KCNH7: variants seen among roughly 807,000 people sequenced by gnomAD.
KCNH7 encodes the protein potassium voltage-gated channel subfamily H member 7, also known as voltage-gated inwardly rectifying potassium channel KCNH7.
Under a neutral mutation model 120.8 loss-of-function variants are expected in KCNH7, and 49 were observed. That is an observed-to-expected ratio of 0.41 (90% confidence interval 0.32 to 0.51). The LOEUF is 0.51. KCNH7 is among the 20% of genes least tolerant of loss of function. The pLI is 0.38. For synonymous variants in KCNH7, 547 were observed against 516.1 expected, an observed-to-expected ratio of 1.06 and a Z score of -0.81; for missense variants, 1,097 against 1,446.6, an observed-to-expected ratio of 0.76 and a Z score of 3.92.
intron 2 of KCNH7, among the ~76,000 whole-genome samples, chr2:162,776,365 G>A (rs1389592244): frequency 1.3e-5 from 2 of 152,176 alleles, no homozygotes; most frequent in Non-Finnish European, 2.9e-5. Context: ...TCTGTTAAGT[G>A]TAGTTAAAAT....
chr2:162,466,405 C>T (rs1333179010), intron 6 of KCNH7, among the ~76,000 whole-genome samples: 2 of 152,174 alleles, frequency 1.3e-5, no homozygotes, highest in Admixed American at 6.5e-5. Flanking sequence ...TCCTTCTACA[C>T]ATGGCGGCAG....
chr2:162,663,111 T>A (rs1400949878), intron 2 of KCNH7, among the ~76,000 whole-genome samples: 1 of 152,212 alleles, frequency 6.6e-6, no homozygotes, highest in African/African-American at 2.4e-5. Flanking sequence ...TAAACCTAGT[T>A]GTTATTAAGG....
intron 2 of KCNH7, among the ~76,000 whole-genome samples, chr2:162,780,928 T>G (rs2105493740): frequency 6.6e-6 from 1 of 152,236 alleles, no homozygotes; most frequent in African/African-American, 2.4e-5. Context: ...GATATAACGT[T>G]AAATTGCCAT....
intron 2 of KCNH7, among the ~76,000 whole-genome samples, chr2:162,586,221 T>A (rs1201600363): frequency 6.6e-6 from 1 of 152,078 alleles, no homozygotes; most frequent in Non-Finnish European, 1.5e-5. Flanking sequence ...TCTGGGCTGA[T>A]CTTGCATCTT....
At chr2:162,789,423 T>C (rs2105514102) in intron 2 of KCNH7, among the ~76,000 whole-genome samples, 1 of 152,146 alleles carries the variant, frequency 6.6e-6, no homozygotes, top group East Asian at 1.9e-4. Flanking sequence ...AAGACTTTAA[T>C]AACCCACTTT....
At chr2:162,627,343 A>G (rs1683596851) in intron 2 of KCNH7, among the ~76,000 whole-genome samples, 1 of 152,320 alleles carries the variant, frequency 6.6e-6, no homozygotes, top group South Asian at 2.1e-4. Context: ...ACCCAGGTGA[A>G]CATTAACTTA....
At chr2:162,493,081 A>G (rs1690376716) in intron 6 of KCNH7, among the ~76,000 whole-genome samples, 1 of 152,032 alleles carries the variant, frequency 6.6e-6, no homozygotes, top group Admixed American at 6.6e-5. Flanking sequence ...CCAGGAATTA[A>G]AAGCAAATAG....
chr2:162,495,311 C>A (rs967842687), intron 6 of KCNH7, among the ~76,000 whole-genome samples: 6 of 152,110 alleles, frequency 3.9e-5, no homozygotes, highest in Non-Finnish European at 8.8e-5. Context: ...GGTTCCTAAC[C>A]TGTGGTGAGT....
chr2:162,555,748 G>A (rs1692832283), intron 2 of KCNH7, among the ~76,000 whole-genome samples: 1 of 151,932 alleles, frequency 6.6e-6, no homozygotes, highest in South Asian at 2.1e-4. Context: ...TTTGTTATTT[G>A]TATGTAGATT....
intron 7 of KCNH7, among the ~76,000 whole-genome samples, chr2:162,437,011 A>T (rs923845359): frequency 6.6e-6 from 1 of 151,988 alleles, no homozygotes; most frequent in African/African-American, 2.4e-5. Flanking sequence ...AGTCCCAGCT[A>T]TTCTAGAGGC....
intron 6 of KCNH7, among the ~76,000 whole-genome samples, chr2:162,470,490 G>A (rs1328706141): frequency 6.6e-6 from 1 of 152,062 alleles, no homozygotes; most frequent in Non-Finnish European, 1.5e-5. Context: ...TGTCTGAGAA[G>A]TGAGGAGCCC....
chr2:162,804,766 C>CA (rs200041293), intron 2 of KCNH7, among the ~76,000 whole-genome samples: 81,301 of 143,350 alleles, frequency 0.57, 24,275 homozygotes, highest in South Asian at 0.82. Context: ...CATATGGAAC[C>CA]AAAAAAAAAA....
intron 2 of KCNH7, among the ~76,000 whole-genome samples, chr2:162,661,450 TG>T (rs1684955285): frequency 1.3e-5 from 2 of 152,192 alleles, no homozygotes. Flanking sequence ...TAAATATGGT[TG>T]GGAATCTTTA....
chr2:162,611,547 T>A (rs1172067908), intron 2 of KCNH7, among the ~76,000 whole-genome samples: 4 of 152,168 alleles, frequency 2.6e-5, no homozygotes, highest in Non-Finnish European at 5.9e-5. Flanking sequence ...CTTAGAGGGA[T>A]TAATTGAAGC....
intron 2 of KCNH7, among the ~76,000 whole-genome samples, chr2:162,776,825 C>T (rs555394740): frequency 6.6e-6 from 1 of 152,298 alleles, no homozygotes; most frequent in Admixed American, 6.5e-5. Flanking sequence ...CCCCATGGAG[C>T]TTTAACTGGA....
intron 2 of KCNH7, among the ~76,000 whole-genome samples, chr2:162,756,106 A>T (rs1688780812): frequency 6.6e-6 from 1 of 152,210 alleles, no homozygotes; most frequent in African/African-American, 2.4e-5. Context: ...AGTGAGTTAT[A>T]AAATAAACAT....
intron 2 of KCNH7, among the ~76,000 whole-genome samples, chr2:162,554,932 GT>G (rs1215617484): frequency 6.6e-6 from 1 of 152,170 alleles, no homozygotes; most frequent in Non-Finnish European, 1.5e-5. Context: ...TCATTTATGA[GT>G]CTTTGTAACA....
At chr2:162,492,254 A>G (rs1175198914) in intron 6 of KCNH7, among the ~76,000 whole-genome samples, 1 of 152,210 alleles carries the variant, frequency 6.6e-6, no homozygotes, top group East Asian at 1.9e-4. Flanking sequence ...GTTCTGTCAT[A>G]AAGAGGGGTA....
At chr2:162,383,328 TA>T (rs1213633229) in intron 13 of KCNH7, among the ~76,000 whole-genome samples, 2 of 151,986 alleles carry the variant, frequency 1.3e-5, no homozygotes, top group African/African-American at 4.8e-5. Flanking sequence ...CATAAATAAC[TA>T]AAATGGGACA....
Sources: gnomAD v4.1 joint callset for allele counts (sites outside exome capture counted in the v4.1 genomes callset) on GRCh38, gnomAD v4.1.1 for gene constraint, MANE v1.5 for transcripts, NCBI Gene and HGNC (gene_info 2026-07-23, HGNC 2026-07-21) for gene names.